SSBP4: variants seen among roughly 807,000 people sequenced by gnomAD.
SSBP4 encodes the protein single stranded DNA binding protein 4, also known as single-stranded DNA-binding protein 4.
In SSBP4, 33 loss-of-function variants were observed where a neutral mutation model predicts 64.6. That is an observed-to-expected ratio of 0.51 (90% CI 0.39 to 0.68). The LOEUF is 0.68. Ranked by LOEUF, SSBP4 falls within the 30% of genes least tolerant of loss-of-function variation. The probability of loss-of-function intolerance (pLI) is 0.00; values close to 1 mark genes in which losing one functional copy is unlikely to be tolerated. For missense variants in SSBP4, 583 were observed against 566.8 expected (o/e 1.03, Z -0.29); for synonymous variants, 243 against 224.0 (o/e 1.08, Z -0.76).
the SSBP4 span, among the ~76,000 whole-genome samples, chr19:18,411,532 T>C: frequency 1.3e-5 from 2 of 150,086 alleles, no homozygotes; most frequent in African/African-American, 4.9e-5. Context: ...TCCAACAAGG[T>C]AATATAATCC....
At chr19:18,411,092 T>C in the SSBP4 span, among the ~76,000 whole-genome samples, 1 of 151,288 alleles carries the variant, frequency 6.6e-6, no homozygotes, top group Admixed American at 6.6e-5. Context: ...CTGGGTAGCA[T>C]AGTGAGACCC....
Position 18,434,037 on chromosome 19 carries a change from G to C in SSBP4, c.1129-180G>C, listed in dbSNP as rs961492403. 11 of 891,150 alleles carry C rather than the reference G, an allele frequency of 1.2e-5. No individual in the cohort carries two copies. In the East Asian group the frequency reaches 1.1e-3, roughly 87 times the overall value. 55.2% of individuals were successfully genotyped at this position (891,150 alleles called of 1,614,324 possible). ...TCCCGATCCCATCCGCCCCCACCCC[G>C]GGACCCGCGCCCCAGGGCGGCCTTC... On this transcript the variant is annotated intron_variant, in intron 17 of 17. Coordinates refer to ENST00000270061, the MANE Select transcript of SSBP4 (RefSeq NM_032627.5).
chr19:18,411,551 G>T, the SSBP4 span, among the ~76,000 whole-genome samples: 1 of 152,074 alleles, frequency 6.6e-6, no homozygotes. Flanking sequence ...CCAAACAGAG[G>T]TTTGGGGACC....
upstream of SSBP4, among the ~76,000 whole-genome samples, chr19:18,416,050 G>C (rs1352637456): frequency 6.6e-6 from 1 of 152,118 alleles, no homozygotes; most frequent in Non-Finnish European, 1.5e-5. Context: ...TTGAGACGGA[G>C]TCTCACTCTA....
the SSBP4 span, among the ~76,000 whole-genome samples, chr19:18,413,627 G>A: frequency 6.6e-6 from 1 of 152,206 alleles, no homozygotes; most frequent in Non-Finnish European, 1.5e-5. Flanking sequence ...GCTGGGGAAG[G>A]GCCCTGCAGG....
At chr19:18,432,112 C>T in intron 9 of SSBP4, 35 bp from the exon 10 acceptor site, 2 of 1,608,246 alleles carry the variant, frequency 1.2e-6, no homozygotes, top group Non-Finnish European at 1.7e-6. Context: ...CGGGCTGTCC[C>T]CGGTCTACCC....
At chr19:18,406,886 G>A in the SSBP4 span, among the ~76,000 whole-genome samples, 1 of 152,060 alleles carries the variant, frequency 6.6e-6, no homozygotes, top group East Asian at 1.9e-4. Context: ...AAGGTGGACT[G>A]ACATGGACAT....
the SSBP4 span, among the ~76,000 whole-genome samples, chr19:18,411,490 G>A: frequency 5.9e-5 from 9 of 151,714 alleles, no homozygotes; most frequent in South Asian, 2.1e-4. Context: ...GCGAGACTTC[G>A]TCTTAAAGAA....
At chr19:18,430,700 C>A in intron 4 of SSBP4, 141 bp from the exon 5 acceptor site, 1 of 665,930 alleles carries the variant, frequency 1.5e-6, no homozygotes, top group Non-Finnish European at 2.4e-6. Context: ...ATCCTCAGGC[C>A]GACAACCCCA....
upstream of SSBP4, among the ~76,000 whole-genome samples, chr19:18,418,559 C>G (rs753771896): frequency 6.6e-6 from 1 of 152,250 alleles, no homozygotes; most frequent in Non-Finnish European, 1.5e-5. The surrounding 1 kb of genome is among the most constrained non-coding windows in gnomAD (Gnocchi z 6.7). Flanking sequence ...AGCAGTCACC[C>G]AGCACCTAGT....
At chr19:18,416,285 G>A (rs1972129921), upstream of SSBP4, among the ~76,000 whole-genome samples, 1 of 152,142 alleles carries the variant, frequency 6.6e-6, no homozygotes, top group Non-Finnish European at 1.5e-5. Flanking sequence ...AAAGTGCTGG[G>A]ATTACAGGCA....
the SSBP4 span, among the ~76,000 whole-genome samples, chr19:18,405,930 G>T: frequency 6.6e-6 from 1 of 151,574 alleles, no homozygotes; most frequent in Non-Finnish European, 1.5e-5. Context: ...GGCGGAGCTT[G>T]CAGTGAGCTG....
At chr19:18,409,309 T>C in the SSBP4 span, among the ~76,000 whole-genome samples, 1 of 150,968 alleles carries the variant, frequency 6.6e-6, no homozygotes, top group Non-Finnish European at 1.5e-5. Context: ...GCCTCAGCCT[T>C]CTGAGTAGCT....
At chr19:18,413,147 G>T in the SSBP4 span, among the ~76,000 whole-genome samples, 4 of 114,548 alleles carry the variant, frequency 3.5e-5, no homozygotes, top group African/African-American at 6.9e-5. Flanking sequence ...TTTGGTTTGG[G>T]TTTTTTTTTT....
rs995077239 is a variant in SSBP4, at chr19:18,427,526, T to TGGCCCTGGGGACTG, written c.132+112_132+113insGACTGGGCCCTGGG. On this transcript the variant is annotated intron_variant, in intron 2 of 17. Transcript: ENST00000270061. The surrounding 1 kb of genome is among the most constrained non-coding windows in gnomAD (Gnocchi z 4.4). ...GGGTGGGCCCGCGTTGCCCCTCTGA[T>TGGCCCTGGGGACTG]GGCCCTGGGAACTGAGGGCTCTGCA... 8 of 1,422,112 alleles carry TGGCCCTGGGGACTG rather than the reference T, an allele frequency of 5.6e-6. No individual in the cohort carries two copies. The Admixed American group carries it at 1.4e-4, about 25-fold the overall frequency. The allele number at this position is 1,422,112 out of a possible 1,614,324, so 88.1% of individuals were successfully genotyped here.
the SSBP4 span, among the ~76,000 whole-genome samples, chr19:18,408,734 G>A: frequency 1.3e-5 from 2 of 152,068 alleles, no homozygotes; most frequent in Admixed American, 6.6e-5. Flanking sequence ...CAGGTGATCC[G>A]CCTGCCTTGG....
chr19:18,433,295 C>A, intron 15 of SSBP4, 82 bp downstream of exon 15: 1 of 1,493,544 alleles, frequency 6.7e-7, no homozygotes. Context: ...CGTCAGCCCG[C>A]CTGCCGGGTG....
At chr19:18,425,943 T>C (rs1451441083) in intron 1 of SSBP4, 1 of 152,340 alleles carries the variant, frequency 6.6e-6, no homozygotes, top group Non-Finnish European at 1.5e-5. Context: ...CTCAAGAACA[T>C]GGCCTCCAGG....
chr19:18,420,013 A>T (rs1972324362), intron 1 of SSBP4: 1 of 157,144 alleles, frequency 6.4e-6, no homozygotes, highest in Admixed American at 6.6e-5. Flanking sequence ...GGCGCGCGAA[A>T]CCCGAGGGCG....
Sources: gnomAD v4.1 joint callset for allele counts (sites outside exome capture counted in the v4.1 genomes callset) on GRCh38, gnomAD v4.1.1 for gene constraint, Gnocchi (gnomAD v3.1) non-coding constraint, MANE v1.5 for transcripts, NCBI Gene and HGNC (gene_info 2026-07-23, HGNC 2026-07-21) for gene names.